KCND2: variants seen among roughly 807,000 people sequenced by gnomAD.
KCND2 encodes the protein potassium voltage-gated channel subfamily D member 2, also known as A-type voltage-gated potassium channel KCND2.
Under a neutral mutation model 54.4 loss-of-function variants are expected in KCND2, and 16 were observed. The observed-to-expected ratio is 0.29, with a 90% confidence interval of 0.20 to 0.45. KCND2 has a LOEUF of 0.45. Ranked by LOEUF, KCND2 falls within the 20% of genes least tolerant of loss-of-function variation. The pLI, the probability that KCND2 is intolerant of heterozygous loss-of-function variation, is 1.00. For missense variants in KCND2, 486 were observed against 824.2 expected (o/e 0.59, Z 5.02); for synonymous variants, 317 against 310.7 (o/e 1.02, Z -0.21).
intron 1 of KCND2, among the ~76,000 whole-genome samples, chr7:120,712,130 CT>C (rs11296028): frequency 0.037 from 4,396 of 120,230 alleles, 131 homozygotes; most frequent in African/African-American, 0.094. Flanking sequence ...AATAAGAAAG[CT>C]TTTTTTTTTT....
intron 1 of KCND2, among the ~76,000 whole-genome samples, chr7:120,712,061 C>G (rs80240212): frequency 4.6e-5 from 7 of 150,924 alleles, no homozygotes; most frequent in Non-Finnish European, 1.0e-4. Context: ...CTGACTTGAT[C>G]GGTCCTAGCT....
intron 1 of KCND2, among the ~76,000 whole-genome samples, chr7:120,362,859 A>G (rs1193781215): frequency 1.3e-5 from 2 of 152,024 alleles, no homozygotes; most frequent in Non-Finnish European, 2.9e-5. Flanking sequence ...GACCACCTCT[A>G]TAGGTTGGAT....
chr7:120,342,769 T>C (rs969192310), intron 1 of KCND2, among the ~76,000 whole-genome samples: 1 of 152,164 alleles, frequency 6.6e-6, no homozygotes, highest in African/African-American at 2.4e-5. Flanking sequence ...TATAATAATA[T>C]GGGAAATTTA....
chr7:120,623,386 A>C (rs1317332500), intron 1 of KCND2, among the ~76,000 whole-genome samples: 1 of 152,174 alleles, frequency 6.6e-6, no homozygotes, highest in Non-Finnish European at 1.5e-5. Flanking sequence ...TGACGCTTAC[A>C]TTCAGTCTGC....
intron 1 of KCND2, among the ~76,000 whole-genome samples, chr7:120,603,453 C>T (rs555492244): frequency 2.4e-4 from 36 of 152,146 alleles, no homozygotes; most frequent in Non-Finnish European, 4.1e-4. Flanking sequence ...ACAGAGATGG[C>T]CTTGAGTTCA....
At chr7:120,296,313 T>C (rs1799513582) in intron 1 of KCND2, among the ~76,000 whole-genome samples, 1 of 152,108 alleles carries the variant, frequency 6.6e-6, no homozygotes, top group Non-Finnish European at 1.5e-5. Context: ...CTTCTAATTG[T>C]GACTTTTGTC....
At chr7:120,434,748 C>T (rs968296035) in intron 1 of KCND2, among the ~76,000 whole-genome samples, 1 of 152,084 alleles carries the variant, frequency 6.6e-6, no homozygotes, top group Non-Finnish European at 1.5e-5. Context: ...CTCGTCATAG[C>T]TCATGGGTCC....
At chr7:120,323,149 C>T (rs1485793119) in intron 1 of KCND2, among the ~76,000 whole-genome samples, 1 of 152,010 alleles carries the variant, frequency 6.6e-6, no homozygotes, top group African/African-American at 2.4e-5. Context: ...CCTTTCCTTA[C>T]CTCCCACCCC....
At chr7:120,613,681 G>T (rs1407335846) in intron 1 of KCND2, among the ~76,000 whole-genome samples, 1 of 152,176 alleles carries the variant, frequency 6.6e-6, no homozygotes, top group Non-Finnish European at 1.5e-5. Context: ...CATCCCTGAT[G>T]TAGTGGGGAC....
intron 1 of KCND2, among the ~76,000 whole-genome samples, chr7:120,411,019 T>C (rs1381144274): frequency 6.6e-6 from 1 of 151,918 alleles, no homozygotes; most frequent in African/African-American, 2.4e-5. Flanking sequence ...GAAGACATGA[T>C]TGTATATTCA....
intron 1 of KCND2, among the ~76,000 whole-genome samples, chr7:120,714,871 T>TATAA (rs1792583646): frequency 6.6e-6 from 1 of 151,850 alleles, no homozygotes; most frequent in Non-Finnish European, 1.5e-5. Context: ...TATATATATA[T>TATAA]AATACCCACA....
At chr7:120,717,200 T>C (rs990799610) in intron 1 of KCND2, among the ~76,000 whole-genome samples, 2 of 152,060 alleles carry the variant, frequency 1.3e-5, no homozygotes, top group Non-Finnish European at 2.9e-5. Context: ...CTAGCAATCA[T>C]CAGAAGGAGG....
At chr7:120,324,014 C>T (rs1191863729) in intron 1 of KCND2, among the ~76,000 whole-genome samples, 4 of 146,016 alleles carry the variant, frequency 2.7e-5, no homozygotes, top group Admixed American at 1.4e-4. Flanking sequence ...GATGGTATCT[C>T]ATTGTGGTTT....
At chr7:120,677,471 C>T (rs1584879981) in intron 1 of KCND2, among the ~76,000 whole-genome samples, 1 of 151,246 alleles carries the variant, frequency 6.6e-6, no homozygotes, top group Non-Finnish European at 1.5e-5. Context: ...AGAGGTGGAT[C>T]TGCTGTTAAG....
intron 1 of KCND2, among the ~76,000 whole-genome samples, chr7:120,523,702 CTCTG>C (rs1401004931): frequency 5.4e-5 from 6 of 111,032 alleles, no homozygotes; most frequent in African/African-American, 2.2e-4. Flanking sequence ...CACACACACA[CTCTG>C]TGTGTGTGTG....
intron 1 of KCND2, among the ~76,000 whole-genome samples, chr7:120,701,786 A>G (rs900059871): frequency 4.6e-5 from 7 of 152,172 alleles, no homozygotes; most frequent in Admixed American, 4.6e-4. Context: ...ACCCCTCCTT[A>G]CACCATATAT....
At chr7:120,525,531 G>T (rs889506116) in intron 1 of KCND2, among the ~76,000 whole-genome samples, 1 of 152,150 alleles carries the variant, frequency 6.6e-6, no homozygotes, top group Non-Finnish European at 1.5e-5. Context: ...ACAATTCTGA[G>T]GGCACAATTA....
intron 1 of KCND2, among the ~76,000 whole-genome samples, chr7:120,295,232 T>G (rs1382143600): frequency 6.6e-6 from 1 of 151,842 alleles, no homozygotes; most frequent in Non-Finnish European, 1.5e-5. Flanking sequence ...GATCTCTTCT[T>G]TCATTTATTC....
At chr7:120,516,184 T>G (rs1216132577) in intron 1 of KCND2, among the ~76,000 whole-genome samples, 2 of 152,182 alleles carry the variant, frequency 1.3e-5, no homozygotes, top group African/African-American at 2.4e-5. Flanking sequence ...TTACAAGTAC[T>G]GAATGTTTTA....
Sources: allele counts gnomAD v4.1 joint callset (sites outside exome capture counted in the v4.1 genomes callset), GRCh38; gene constraint gnomAD v4.1.1; transcripts MANE v1.5; gene names NCBI Gene and HGNC (gene_info 2026-07-23, HGNC 2026-07-21).